RASAL2: variants seen among roughly 807,000 people sequenced by gnomAD.
RASAL2 encodes the protein RAS protein activator like 2.
A neutral mutation model predicts 128.9 loss-of-function variants in RASAL2; 58 were observed. The observed-to-expected ratio is 0.45, with a 90% CI of 0.36 to 0.56. The LOEUF (loss-of-function observed/expected upper bound fraction) is 0.56, where lower values mean the gene tolerates loss of function less well. Ranked by LOEUF, RASAL2 falls within the 20% of genes least tolerant of loss-of-function variation. RASAL2 has a pLI of 0.00. For synonymous variants in RASAL2, 561 were observed against 580.8 expected, an observed-to-expected ratio of 0.97 and a Z score of 0.49; for missense variants, 1,360 against 1,601.6, an observed-to-expected ratio of 0.85 and a Z score of 2.57.
chr1:178,226,057 G>A (rs1308459593), intron 1 of RASAL2, among the ~76,000 whole-genome samples: 1 of 152,134 alleles, frequency 6.6e-6, no homozygotes, highest in Non-Finnish European at 1.5e-5. Context: ...GGAACCTTGA[G>A]AACTTAGTTC....
intron 5 of RASAL2, among the ~76,000 whole-genome samples, chr1:178,421,296 C>T (rs1328565961): frequency 6.6e-6 from 1 of 152,132 alleles, no homozygotes; most frequent in Non-Finnish European, 1.5e-5. Flanking sequence ...AGCTTGAGTA[C>T]AGCTCCCTAA....
At chr1:178,296,176 CAT>C (rs1337900123) in intron 2 of RASAL2, among the ~76,000 whole-genome samples, 8 of 140,540 alleles carry the variant, frequency 5.7e-5, no homozygotes, top group Non-Finnish European at 7.7e-5. Flanking sequence ...TGTGTGTGTG[CAT>C]ATATATATAT....
chr1:178,187,395 AT>A (rs1662341211), intron 1 of RASAL2, among the ~76,000 whole-genome samples: 1 of 152,224 alleles, frequency 6.6e-6, no homozygotes, highest in Non-Finnish European at 1.5e-5. Flanking sequence ...TTTAAAAAAT[AT>A]CTTTCACTTC....
intron 1 of RASAL2, among the ~76,000 whole-genome samples, chr1:178,182,053 T>C (rs1409230573): frequency 6.6e-6 from 1 of 152,184 alleles, no homozygotes; most frequent in Non-Finnish European, 1.5e-5. Context: ...TCCTTGAGGG[T>C]AGAGTGTCTA....
chr1:178,265,409 C>A (rs1217591678), intron 1 of RASAL2, among the ~76,000 whole-genome samples: 1 of 152,172 alleles, frequency 6.6e-6, no homozygotes, highest in Non-Finnish European at 1.5e-5. Flanking sequence ...CAGTTTCCCT[C>A]CTTTTCAATG....
chr1:178,375,085 T>A (rs1671916426), intron 3 of RASAL2, among the ~76,000 whole-genome samples: 1 of 152,036 alleles, frequency 6.6e-6, no homozygotes, highest in African/African-American at 2.4e-5. Context: ...AAAAATTGCT[T>A]TGGGAGTTTG....
At chr1:178,405,395 T>C (rs1281414151) in intron 4 of RASAL2, among the ~76,000 whole-genome samples, 1 of 152,188 alleles carries the variant, frequency 6.6e-6, no homozygotes, top group Non-Finnish European at 1.5e-5. Flanking sequence ...TACATGGAAA[T>C]TGTGAATATG....
At chr1:178,207,193 G>C (rs977667127) in intron 1 of RASAL2, among the ~76,000 whole-genome samples, 1 of 149,988 alleles carries the variant, frequency 6.7e-6, no homozygotes, top group Non-Finnish European at 1.5e-5. Context: ...GCATTTAAAT[G>C]ATGATTGGAA....
At chr1:178,452,116 G>A (rs1346108941) in intron 10 of RASAL2, among the ~76,000 whole-genome samples, 1 of 152,104 alleles carries the variant, frequency 6.6e-6, no homozygotes, top group Non-Finnish European at 1.5e-5. Context: ...AGAGATTATG[G>A]TGAGTTATAC....
chr1:178,405,099 A>C (rs1673916122), intron 4 of RASAL2, among the ~76,000 whole-genome samples: 1 of 152,182 alleles, frequency 6.6e-6, no homozygotes, highest in South Asian at 2.1e-4. Flanking sequence ...ACTCTCATAC[A>C]TTGTTGAAGG....
At position 178,094,382 on chromosome 1, in the gene RASAL2, C is replaced by A. The variant is rs1658585212; in HGVS notation, c.-111C>A. ...TGTCCGCGCCGGCTGCCGCTCGGGT[C>A]CCTGCCCTCGCTGCGCGCTCTCCTC... On this transcript the variant is annotated 5_prime_UTR_variant, in exon 1 of 18. Coordinates refer to ENST00000367649, the MANE Select transcript of RASAL2 (RefSeq NM_170692.4). 1.9e-6 allele frequency: 2 copies of A among 1,060,590 alleles called. No individual in the cohort carries two copies. Among genetic ancestry groups the A allele is most frequent in the South Asian group, 1.7e-5 (1 of 58,342 alleles). 65.7% of individuals were successfully genotyped at this position (1,060,590 alleles called of 1,614,324 possible).
intron 3 of RASAL2, among the ~76,000 whole-genome samples, chr1:178,357,610 T>C (rs1030011986): frequency 6.6e-6 from 1 of 152,166 alleles, no homozygotes; most frequent in Non-Finnish European, 1.5e-5. Flanking sequence ...AGTCCCTCTG[T>C]ACTCTCAGCC....
chr1:178,391,802 G>A (rs567721268), intron 4 of RASAL2, among the ~76,000 whole-genome samples: 15 of 152,206 alleles, frequency 9.9e-5, no homozygotes, highest in African/African-American at 3.4e-4. Context: ...ATCTCAGATC[G>A]TTTCTATGTT....
chr1:178,305,948 A>G (rs1667964145), intron 3 of RASAL2, among the ~76,000 whole-genome samples: 1 of 152,232 alleles, frequency 6.6e-6, no homozygotes, highest in African/African-American at 2.4e-5. Flanking sequence ...TTTGTTTCCA[A>G]ATAAGCAAAT....
intron 3 of RASAL2, among the ~76,000 whole-genome samples, chr1:178,382,440 A>G (rs961310442): frequency 2.0e-5 from 3 of 152,184 alleles, no homozygotes; most frequent in Non-Finnish European, 4.4e-5. Context: ...GAAGAAAACT[A>G]GAGTCTCTGT....
chr1:178,257,932 A>ACTTT (rs1483298648), intron 1 of RASAL2, among the ~76,000 whole-genome samples: 1 of 152,114 alleles, frequency 6.6e-6, no homozygotes, highest in African/African-American at 2.4e-5. Flanking sequence ...CATCAAAAGC[A>ACTTT]TGAAGAACAA....
At chr1:178,128,053 A>G (rs371447316) in intron 1 of RASAL2, among the ~76,000 whole-genome samples, 78 of 152,228 alleles carry the variant, frequency 5.1e-4, no homozygotes, top group African/African-American at 1.8e-3. Flanking sequence ...GGGCCCTTAA[A>G]GATACTGTAG....
At chr1:178,301,633 A>G (rs912931331) in intron 3 of RASAL2, among the ~76,000 whole-genome samples, 2 of 152,014 alleles carry the variant, frequency 1.3e-5, no homozygotes, top group Non-Finnish European at 2.9e-5. Flanking sequence ...GGGTTTCACC[A>G]TGTTGGCCAG....
At chr1:178,180,489 A>G (rs1662058986) in intron 1 of RASAL2, among the ~76,000 whole-genome samples, 2 of 110,358 alleles carry the variant, frequency 1.8e-5, no homozygotes, top group Non-Finnish European at 3.9e-5. Flanking sequence ...CTCTACCAAA[A>G]AAAAAAAAAA....
Sources: allele counts gnomAD v4.1 joint callset (sites outside exome capture counted in the v4.1 genomes callset), GRCh38; gene constraint gnomAD v4.1.1; transcripts MANE v1.5; gene names NCBI Gene and HGNC (gene_info 2026-07-23, HGNC 2026-07-21).